Variants in SLC2A13 observed in about 807,000 individuals in gnomAD.
The protein encoded by SLC2A13 is solute carrier family 2 member 13.
Under a neutral mutation model 64.4 loss-of-function variants are expected in SLC2A13, and 32 were observed. The ratio of observed to expected loss-of-function variants is 0.50; its 90% confidence interval spans 0.37 to 0.67. The LOEUF is 0.67. SLC2A13 is among the 30% of genes least tolerant of loss of function. SLC2A13 has a pLI of 0.00. For missense variants in SLC2A13, 743 were observed against 829.2 expected (o/e 0.90, Z 1.28); for synonymous variants, 338 against 327.1 (o/e 1.03, Z -0.36).
At chr12:39,881,013 G>A (rs564369212) in intron 4 of SLC2A13, among the ~76,000 whole-genome samples, 37 of 152,298 alleles carry the variant, frequency 2.4e-4, no homozygotes, top group Admixed American at 4.6e-4. Flanking sequence ...CAGGTTACAT[G>A]TGATTGTTCC....
chr12:40,027,262 T>C (rs1168878576), intron 3 of SLC2A13, among the ~76,000 whole-genome samples: 2 of 152,172 alleles, frequency 1.3e-5, no homozygotes, highest in Admixed American at 6.5e-5. Context: ...TGCACTAATA[T>C]GTTACTCTAG....
At chr12:39,867,163 A>T (rs902985516) in intron 5 of SLC2A13, among the ~76,000 whole-genome samples, 10 of 152,246 alleles carry the variant, frequency 6.6e-5, no homozygotes, top group Non-Finnish European at 1.2e-4. Context: ...CCATCAAAAA[A>T]TCTGAGTCCC....
At chr12:40,069,642 A>T (rs1029607450) in intron 1 of SLC2A13, among the ~76,000 whole-genome samples, 1 of 152,068 alleles carries the variant, frequency 6.6e-6, no homozygotes, top group African/African-American at 2.4e-5. Flanking sequence ...CATGGTTGAA[A>T]AAAAAAAGGA....
chr12:39,835,845 G>T (rs1400101842), intron 6 of SLC2A13: 4 of 152,102 alleles, frequency 2.6e-5, no homozygotes, highest in Admixed American at 2.6e-4. Context: ...GGGGGTAGAT[G>T]AATTGACGTA....
intron 4 of SLC2A13, among the ~76,000 whole-genome samples, chr12:39,908,742 C>T (rs564453055): frequency 1.3e-5 from 2 of 152,076 alleles, no homozygotes; most frequent in African/African-American, 4.8e-5. Flanking sequence ...CCACACTCTT[C>T]CTTACACCAC....
At chr12:39,782,810 G>A (rs1941043262) in intron 7 of SLC2A13, among the ~76,000 whole-genome samples, 1 of 152,314 alleles carries the variant, frequency 6.6e-6, no homozygotes, top group African/African-American at 2.4e-5. Flanking sequence ...GGCTGAGGTG[G>A]TCTCAGAGGG....
chr12:39,915,673 TAGAA>T (rs1487255892), intron 4 of SLC2A13, among the ~76,000 whole-genome samples: 4 of 151,776 alleles, frequency 2.6e-5, no homozygotes, highest in Non-Finnish European at 5.9e-5. Context: ...TTAGTTAACA[TAGAA>T]AGAAAGCACA....
intron 3 of SLC2A13, among the ~76,000 whole-genome samples, chr12:40,003,254 AC>A (rs1201287174): frequency 6.6e-6 from 1 of 152,220 alleles, no homozygotes; most frequent in African/African-American, 2.4e-5. Context: ...GCTAGCCTCA[AC>A]TTCCACTTCA....
rs1415894426 is a variant in SLC2A13 at position 39,757,213 on chromosome 12, A to G, written c.*2813T>C. 6.6e-6 allele frequency: 1 copy of G among 151,796 alleles called. No individual in the cohort carries two copies. Among genetic ancestry groups the G allele is most frequent in the African/African-American group, 2.4e-5 (1 of 41,382 alleles). The allele number at this position is 151,796 out of a possible 1,614,324, so 9.4% of individuals were successfully genotyped here. ...TGGACCTTCTTCATTGTATTTTCCT[A>G]AGACATAATATACCTCTATCAAATC... On this transcript the variant is annotated 3_prime_UTR_variant, in exon 10 of 10. Transcript: ENST00000280871.
chr12:39,937,701 A>T (rs1290431570), intron 4 of SLC2A13, among the ~76,000 whole-genome samples: 1 of 152,188 alleles, frequency 6.6e-6, no homozygotes, highest in Non-Finnish European at 1.5e-5. Context: ...TTACCACAGA[A>T]CCTTAAATTC....
intron 9 of SLC2A13, among the ~76,000 whole-genome samples, chr12:39,761,726 G>A (rs1940155917): frequency 6.6e-6 from 1 of 151,706 alleles, no homozygotes; most frequent in African/African-American, 2.4e-5. Context: ...TAGCAGGGAG[G>A]GACAAAGACG....
At chr12:39,851,612 T>C (rs1431895765) in intron 6 of SLC2A13, among the ~76,000 whole-genome samples, 1 of 152,202 alleles carries the variant, frequency 6.6e-6, no homozygotes, top group African/African-American at 2.4e-5. Context: ...GTAATAGGTT[T>C]CTACAGTAAC....
intron 3 of SLC2A13, among the ~76,000 whole-genome samples, chr12:40,011,716 G>C (rs1249701705): frequency 6.6e-6 from 1 of 151,984 alleles, no homozygotes; most frequent in South Asian, 2.1e-4. Context: ...ATGTATACCC[G>C]ATGCCTAGCT....
intron 3 of SLC2A13, among the ~76,000 whole-genome samples, chr12:39,958,132 T>C (rs1946348600): frequency 6.6e-6 from 1 of 152,208 alleles, no homozygotes; most frequent in Non-Finnish European, 1.5e-5. Flanking sequence ...GTGCTCCTTC[T>C]CTCTTCATAT....
chr12:39,894,076 T>A (rs951211223), intron 4 of SLC2A13, among the ~76,000 whole-genome samples: 1 of 152,230 alleles, frequency 6.6e-6, no homozygotes, highest in African/African-American at 2.4e-5. Flanking sequence ...TACATTTTAA[T>A]AAATGTTTTT....
chr12:40,062,062 T>C (rs1948432444), intron 1 of SLC2A13, among the ~76,000 whole-genome samples: 1 of 152,072 alleles, frequency 6.6e-6, no homozygotes, highest in Non-Finnish European at 1.5e-5. Flanking sequence ...GGGGGAAAGA[T>C]GGACCTTTTA....
chr12:40,014,673 T>C (rs997826208), intron 3 of SLC2A13, among the ~76,000 whole-genome samples: 19 of 152,120 alleles, frequency 1.2e-4, no homozygotes, highest in African/African-American at 4.6e-4. Context: ...TTTGTATTTT[T>C]AGTCAAGACG....
chr12:39,915,525 G>C (rs1430553883), intron 4 of SLC2A13, among the ~76,000 whole-genome samples: 1 of 151,970 alleles, frequency 6.6e-6, no homozygotes, highest in Non-Finnish European at 1.5e-5. Flanking sequence ...GGAGTTAGAA[G>C]TATATAGAAC....
chr12:40,056,974 C>T (rs758140575), intron 1 of SLC2A13, among the ~76,000 whole-genome samples: 2 of 150,636 alleles, frequency 1.3e-5, no homozygotes, highest in African/African-American at 2.4e-5. Context: ...AGCGAGACTT[C>T]GTGTCAAAAA....
Sources: gnomAD v4.1 joint callset for allele counts (sites outside exome capture counted in the v4.1 genomes callset) on GRCh38, gnomAD v4.1.1 for gene constraint, MANE v1.5 for transcripts, NCBI Gene and HGNC (gene_info 2026-07-23, HGNC 2026-07-21) for gene names.